The following GSE1 variants were observed in gnomAD, a reference collection of about 807,000 sequenced individuals.
GSE1 encodes Gse1 coiled-coil protein.
A neutral mutation model predicts 112.6 loss-of-function variants in GSE1; 32 were observed. The observed-to-expected ratio is 0.28, with a 90% confidence interval of 0.21 to 0.38. GSE1 has a LOEUF of 0.38. GSE1 is among the 10% of genes least tolerant of loss of function. GSE1 has a pLI of 1.00. For missense variants in GSE1, 2,348 were observed against 1,699.2 expected (o/e 1.38, Z -6.71); for synonymous variants, 1,115 against 735.6 (o/e 1.52, Z -8.35).
intron 1 of GSE1, among the ~76,000 whole-genome samples, chr16:85,222,410 G>T (rs1415639764): frequency 1.3e-5 from 2 of 152,212 alleles, no homozygotes; most frequent in Non-Finnish European, 2.9e-5. Context: ...CGTGAAATGG[G>T]GTCGGCACAT....
At chr16:85,644,075 C>T (rs865968735) in intron 2 of GSE1, among the ~76,000 whole-genome samples, 1 of 152,150 alleles carries the variant, frequency 6.6e-6, no homozygotes, top group Admixed American at 6.5e-5. Flanking sequence ...TGCCTGTAAT[C>T]CCAGCACTGT....
At chr16:85,361,767 C>A (rs577539831) in intron 2 of GSE1, among the ~76,000 whole-genome samples, 2 of 152,228 alleles carry the variant, frequency 1.3e-5, no homozygotes, top group Non-Finnish European at 2.9e-5. Flanking sequence ...AACACGTGGC[C>A]GTCAGCTGCC....
chr16:85,563,446 G>A (rs1004597369), intron 1 of GSE1, among the ~76,000 whole-genome samples: 4 of 152,322 alleles, frequency 2.6e-5, no homozygotes, highest in East Asian at 1.9e-4. Context: ...GGCGCTGGTC[G>A]TTACCCTCAG....
intron 14 of GSE1, 80 bp from the exon 15 acceptor site, chr16:85,670,915 A>G: frequency 1.2e-6 from 1 of 852,686 alleles, no homozygotes; most frequent in Non-Finnish European, 2.0e-6. Context: ...TCTGCTGGGC[A>G]GGGTGTGAAG....
chr16:85,203,963 G>A (rs1040603095), intron 1 of GSE1, among the ~76,000 whole-genome samples: 1 of 152,136 alleles, frequency 6.6e-6, no homozygotes, highest in East Asian at 1.9e-4. Flanking sequence ...TAGAGACGAG[G>A]TCTCACTATG....
intron 2 of GSE1, among the ~76,000 whole-genome samples, chr16:85,533,050 A>G (rs552709621): frequency 6.6e-6 from 1 of 152,248 alleles, no homozygotes; most frequent in South Asian, 2.1e-4. Flanking sequence ...CTGGTCTCCA[A>G]GGTGAGGACA....
exon 1 of GSE1, chr16:85,170,923 C>T: frequency 2.0e-6 from 2 of 985,568 alleles, no homozygotes; most frequent in Non-Finnish European, 2.4e-6. Flanking sequence ...CAGGAGGCTC[C>T]CGAGGGAAGA....
intron 1 of GSE1, among the ~76,000 whole-genome samples, chr16:85,252,500 C>T (rs1176949367): frequency 6.6e-6 from 1 of 152,260 alleles, no homozygotes; most frequent in Non-Finnish European, 1.5e-5. Context: ...CTTGGGCACA[C>T]CCAAGCCCAT....
intron 2 of GSE1, among the ~76,000 whole-genome samples, chr16:85,645,200 T>G (rs964854052): frequency 1.3e-5 from 2 of 151,430 alleles, no homozygotes; most frequent in African/African-American, 2.4e-5. Flanking sequence ...CATCTGGGGG[T>G]CTGGGGTTGG....
At chr16:85,375,694 A>G (rs1003541080) in intron 2 of GSE1, among the ~76,000 whole-genome samples, 1 of 151,490 alleles carries the variant, frequency 6.6e-6, no homozygotes, top group Non-Finnish European at 1.5e-5. Flanking sequence ...CCAGAGCGCC[A>G]TGAGCCCAGG....
At chr16:85,286,971 T>C (rs4783156) in intron 1 of GSE1, among the ~76,000 whole-genome samples, 112,933 of 152,218 alleles carry the variant, frequency 0.74, 42,965 homozygotes, top group South Asian at 0.92. Flanking sequence ...CTGGAAAGCG[T>C]CGGGGGCCGC....
chr16:85,592,028 G>T (rs559223228), intron 1 of GSE1, among the ~76,000 whole-genome samples: 51 of 152,334 alleles, frequency 3.3e-4, no homozygotes, highest in African/African-American at 1.2e-3. Flanking sequence ...AGGCTAAGTA[G>T]CACCTGCGGC....
intron 2 of GSE1, among the ~76,000 whole-genome samples, chr16:85,488,067 CTG>C (rs143271025): frequency 0.033 from 5,057 of 152,260 alleles, 249 homozygotes; most frequent in African/African-American, 0.11. Flanking sequence ...GTCTTGGAGT[CTG>C]TGGCTGTCCT....
chr16:85,224,020 C>T (rs534028234), intron 1 of GSE1, among the ~76,000 whole-genome samples: 62 of 152,172 alleles, frequency 4.1e-4, no homozygotes, highest in Non-Finnish European at 4.9e-4. Context: ...CAAAAGGAAG[C>T]CCCAGCCCCA....
intron 1 of GSE1, among the ~76,000 whole-genome samples, chr16:85,332,889 A>T (rs2046405399): frequency 6.6e-6 from 1 of 151,528 alleles, no homozygotes; most frequent in Non-Finnish European, 1.5e-5. Context: ...ATGCTGTCCC[A>T]CCTCAGAACC....
intron 2 of GSE1, among the ~76,000 whole-genome samples, chr16:85,517,698 A>G (rs962282804): frequency 6.6e-6 from 1 of 152,294 alleles, no homozygotes. Context: ...CCAGCAGAGC[A>G]TCTTGCAGTC....
chr16:85,576,843 G>A (rs2046247248), intron 1 of GSE1, among the ~76,000 whole-genome samples: 1 of 152,164 alleles, frequency 6.6e-6, no homozygotes, highest in Non-Finnish European at 1.5e-5. Flanking sequence ...TGCAAAGCCT[G>A]TGGATTAGAC....
At chr16:85,552,048 C>T (rs953650653), upstream of GSE1, among the ~76,000 whole-genome samples, 2 of 151,706 alleles carry the variant, frequency 1.3e-5, no homozygotes, top group Non-Finnish European at 2.9e-5. Flanking sequence ...TTCTTTGAGA[C>T]GGAGTCTCGC....
chr16:85,220,569 CCCTCCCTTTTGAACTTCAG>C (rs1443586275), intron 1 of GSE1, among the ~76,000 whole-genome samples: 2 of 152,196 alleles, frequency 1.3e-5, no homozygotes, highest in African/African-American at 4.8e-5. Flanking sequence ...CCACCTCTTC[CCCTCCCTTTTGAACTTCAG>C]CCTCCCCACA....
Sources: allele counts gnomAD v4.1 joint callset (sites outside exome capture counted in the v4.1 genomes callset), GRCh38; gene constraint gnomAD v4.1.1; transcripts MANE v1.5; gene names NCBI Gene and HGNC (gene_info 2026-07-23, HGNC 2026-07-21).